Variants in MECOM observed in about 807,000 individuals in gnomAD.
The protein encoded by MECOM is MDS1 and EVI1 complex locus, also known as histone-lysine N-methyltransferase MECOM.
A neutral mutation model predicts 116.3 loss-of-function variants in MECOM; 13 were observed. That is an observed-to-expected ratio of 0.11 (90% CI 0.07 to 0.18). The LOEUF is 0.18. Among genes scored for constraint, MECOM ranks in the 10% least tolerant of loss-of-function variants. The pLI is 1.00. For synonymous variants in MECOM, 528 were observed against 535.2 expected (o/e 0.99, Z 0.19); for missense variants, 1,299 against 1,509.0 (o/e 0.86, Z 2.31).
Position 169,115,780 on chromosome 3 carries a change from G to A in MECOM, c.2092C>T (p.Pro698Ser). 1 of 1,614,144 alleles carries A rather than the reference G, an allele frequency of 6.2e-7. No individual in the cohort carries two copies. Among genetic ancestry groups the A allele is most frequent in the Non-Finnish European group, 8.5e-7 (1 of 1,180,012 alleles). ...ALPYPSMFPL[P>S]FFPAFSQSMY... Reference sequence around the variant, plus strand: ...GATTGAGAGAATGCTGGAAAAAATGGGAGGGGAAACATGGAAGGGTAAGGT... The same window carrying A: ...GATTGAGAGAATGCTGGAAAAAATGAGAGGGGAAACATGGAAGGGTAAGGT... The change falls in exon 8 of 17, where the codon CCA (proline) becomes TCA (serine). Residue 698 changes from proline to serine, a missense_variant. Pro to Ser is a moderately conservative substitution (Grantham distance 74, BLOSUM62 -1). Coordinates refer to ENST00000651503, the MANE Select transcript of MECOM (RefSeq NM_004991.4).
chr3:169,591,448 A>C (rs907998968), intron 1 of MECOM, among the ~76,000 whole-genome samples: 2 of 152,172 alleles, frequency 1.3e-5, no homozygotes, highest in Admixed American at 6.5e-5. Context: ...CGGATGCACC[A>C]AGCCGAGAGA....
chr3:169,446,955 T>C lies in MECOM; in HGVS notation c.38-65431A>G, dbSNP rs144756419. The stretch of plus-strand genomic sequence containing the variant: ...AAGTGGAAAATTAATTAACAGTTAC[T>C]GAATTTTCAGTTATTTTTTTCAGTA... On this transcript the variant is annotated intron_variant, in intron 1 of 16. Transcript: ENST00000651503. Among the ~76,000 whole-genome samples, 943 of 152,356 alleles carry C rather than the reference T, an allele frequency of 6.2e-3. 15 individuals are homozygous for C. The highest frequency in any genetic ancestry group is 0.021 in the African/African-American group (890 of 41,578).
chr3:169,448,499 A>C (rs1745029480), intron 1 of MECOM, among the ~76,000 whole-genome samples: 1 of 152,188 alleles, frequency 6.6e-6, no homozygotes, highest in African/African-American at 2.4e-5. Context: ...TTTTTAATTC[A>C]GTGTACATCT....
chr3:169,334,357 G>T (rs1486190508), intron 2 of MECOM, among the ~76,000 whole-genome samples: 2 of 152,152 alleles, frequency 1.3e-5, no homozygotes, highest in African/African-American at 4.8e-5. Context: ...ATACGGTGAA[G>T]CACCGGACAT....
At chr3:169,185,449 C>T (rs1746584081) in intron 2 of MECOM, among the ~76,000 whole-genome samples, 2 of 152,122 alleles carry the variant, frequency 1.3e-5, no homozygotes, top group Admixed American at 6.5e-5. Context: ...GGGAATGTTA[C>T]ATACCTTTTC....
intron 12 of MECOM, among the ~76,000 whole-genome samples, chr3:169,095,894 G>C (rs974393520): frequency 2.0e-5 from 3 of 151,982 alleles, no homozygotes; most frequent in African/African-American, 7.3e-5. Flanking sequence ...TGAAAGCAAA[G>C]GGCTTCCATT....
At chr3:169,491,772 C>A (rs1753120436) in intron 1 of MECOM, among the ~76,000 whole-genome samples, 2 of 152,170 alleles carry the variant, frequency 1.3e-5, no homozygotes, top group Non-Finnish European at 2.9e-5. Context: ...TTTTCACTTT[C>A]TTCATCAATC....
At chr3:169,191,768 AAGAAAGAAAGAAAG>A (rs1405776694) in intron 2 of MECOM, among the ~76,000 whole-genome samples, 37 of 129,828 alleles carry the variant, frequency 2.8e-4, no homozygotes, top group African/African-American at 1.2e-3. Context: ...GAAAGAAAGA[AAGAAAGAAAGAAAG>A]AAAGAAAGAA....
At chr3:169,317,119 A>T (rs1399616612) in intron 2 of MECOM, among the ~76,000 whole-genome samples, 2 of 152,182 alleles carry the variant, frequency 1.3e-5, no homozygotes, top group Non-Finnish European at 2.9e-5. Flanking sequence ...AAGTCCAGGG[A>T]TAAGGGTTTC....
chr3:169,630,077 A>G (rs1376647972), intron 1 of MECOM, among the ~76,000 whole-genome samples: 1 of 152,242 alleles, frequency 6.6e-6, no homozygotes, highest in African/African-American at 2.4e-5. Flanking sequence ...GTGGCTTGTG[A>G]CGCTCTCCAC....
At chr3:169,271,847 T>C (rs1237690624) in intron 2 of MECOM, among the ~76,000 whole-genome samples, 2 of 152,198 alleles carry the variant, frequency 1.3e-5, no homozygotes, top group African/African-American at 4.8e-5. Flanking sequence ...ACATTTTTAG[T>C]TCTGCAACAG....
chr3:169,178,292 T>G (rs1465374411), intron 2 of MECOM, among the ~76,000 whole-genome samples: 1 of 152,176 alleles, frequency 6.6e-6, no homozygotes, highest in Non-Finnish European at 1.5e-5. Flanking sequence ...GCATGAGTGA[T>G]TATACGAATT....
At chr3:169,249,344 T>G (rs1296429004) in intron 2 of MECOM, among the ~76,000 whole-genome samples, 1 of 152,176 alleles carries the variant, frequency 6.6e-6, no homozygotes, top group African/African-American at 2.4e-5. Flanking sequence ...CTGATAAATA[T>G]TCAAAGAAAA....
chr3:169,199,574 T>C (rs944018437), intron 2 of MECOM, among the ~76,000 whole-genome samples: 8 of 151,988 alleles, frequency 5.3e-5, no homozygotes, highest in African/African-American at 1.9e-4. Context: ...GCACAAAACC[T>C]GGCTTCATTT....
intron 1 of MECOM, among the ~76,000 whole-genome samples, chr3:169,395,550 C>A (rs896569265): frequency 6.6e-6 from 1 of 152,128 alleles, no homozygotes; most frequent in Admixed American, 6.5e-5. Flanking sequence ...GATTAACAAC[C>A]AAACACAGTC....
chr3:169,464,106 G>A (rs185400630), intron 1 of MECOM: 1 of 152,274 alleles, frequency 6.6e-6, no homozygotes, highest in East Asian at 1.9e-4. Context: ...ACGGATGTCA[G>A]AGCCAGGACA....
chr3:169,655,078 C>T (rs1775377512), intron 1 of MECOM, among the ~76,000 whole-genome samples: 1 of 150,824 alleles, frequency 6.6e-6, no homozygotes, highest in Non-Finnish European at 1.5e-5. Context: ...CATAAAAACC[C>T]AGATTTGTGG....
At chr3:169,146,457 A>G (rs777422989) in intron 2 of MECOM, 2 of 1,386,190 alleles carry the variant, frequency 1.4e-6, no homozygotes, top group Non-Finnish European at 1.9e-6. Context: ...AGAGGCCGAC[A>G]AGCCGGCAGA....
chr3:169,645,402 C>G (rs952720189), intron 1 of MECOM, among the ~76,000 whole-genome samples: 4 of 152,066 alleles, frequency 2.6e-5, no homozygotes, highest in Admixed American at 2.6e-4. Flanking sequence ...TCTAGAAAAC[C>G]AAAAGACAAA....
Sources: gnomAD v4.1 joint callset for allele counts (sites outside exome capture counted in the v4.1 genomes callset) on GRCh38, gnomAD v4.1.1 for gene constraint, MANE v1.5 for transcripts, NCBI Gene and HGNC (gene_info 2026-07-23, HGNC 2026-07-21) for gene names.